CHRNA7: variants seen among roughly 807,000 people sequenced by gnomAD.
CHRNA7 encodes the protein cholinergic receptor nicotinic alpha 7 subunit.
A neutral mutation model predicts 48.0 loss-of-function variants in CHRNA7; 17 were observed. That is an observed-to-expected ratio of 0.35 (90% CI 0.24 to 0.53). The LOEUF is 0.53. Ranked by LOEUF, CHRNA7 falls within the 20% of genes least tolerant of loss-of-function variation. The probability of loss-of-function intolerance (pLI) is 0.92; values close to 1 mark genes in which losing one functional copy is unlikely to be tolerated. For synonymous variants in CHRNA7, 75 were observed against 242.3 expected, an observed-to-expected ratio of 0.31 and a Z score of 6.41; for missense variants, 155 against 577.7, an observed-to-expected ratio of 0.27 and a Z score of 7.50.
intron 4 of CHRNA7, among the ~76,000 whole-genome samples, chr15:32,118,181 C>T (rs1311713733): frequency 3.3e-5 from 5 of 152,144 alleles, no homozygotes; most frequent in East Asian, 1.9e-4. Context: ...CCTCCCCATG[C>T]GATGCCTGGT....
rs190905913 is a variant in CHRNA7 at position 32,105,705 on chromosome 15, G to A, written c.240+4358G>A. 6.3e-3 allele frequency among the ~76,000 whole-genome samples: 955 copies of A among 152,152 alleles called. 8 individuals carry two copies. Among genetic ancestry groups the A allele is most frequent in the Non-Finnish European group, 8.9e-3 (607 of 67,996 alleles). On this transcript the variant is annotated intron_variant, in intron 3 of 9. Transcript: ENST00000306901. ...AAGATCTGGGAGCACTGGCATTTCTGAGTATTTTGTCATTAATGTTTACTT... is the reference window on the plus strand; with the variant it reads ...AAGATCTGGGAGCACTGGCATTTCTAAGTATTTTGTCATTAATGTTTACTT...
intron 2 of CHRNA7, among the ~76,000 whole-genome samples, chr15:32,065,817 C>T (rs2049956050): frequency 2.6e-5 from 4 of 151,380 alleles, no homozygotes; most frequent in South Asian, 4.2e-4. Flanking sequence ...AGGTGTGTCA[C>T]AGCACACAGA....
At chr15:32,119,814 G>A (rs28549350) in intron 4 of CHRNA7, among the ~76,000 whole-genome samples, 17,171 of 152,090 alleles carry the variant, frequency 0.11, 1,015 homozygotes, top group Middle Eastern at 0.15. Context: ...AAGGGAGGAA[G>A]GGCAAGTGCG....
rs1034667760 is a variant in CHRNA7 at position 32,067,249 on chromosome 15, C to CA, written c.196-34051dup. ...ACATCATAATCAAACTGTTGAAAGA[C>CA]AAAGAGGGAATCTTGAAAGCAGCAG... On this transcript the variant is annotated intron_variant, in intron 2 of 9. Transcript: ENST00000306901. Among the ~76,000 whole-genome samples the CA allele has an allele frequency of 4.8e-4, 73 of 152,208 alleles. 1 individual carries two copies. The highest frequency in any genetic ancestry group is 1.7e-3 in the African/African-American group (69 of 41,522).
intron 2 of CHRNA7, among the ~76,000 whole-genome samples, chr15:32,066,149 A>G (rs1464806245): frequency 6.6e-6 from 1 of 152,286 alleles, no homozygotes; most frequent in African/African-American, 2.4e-5. Context: ...AACAAAGGAA[A>G]GACTTTAGTG....
intron 3 of CHRNA7, among the ~76,000 whole-genome samples, chr15:32,107,820 C>T (rs2050696030): frequency 6.6e-6 from 1 of 152,066 alleles, no homozygotes; most frequent in Non-Finnish European, 1.5e-5. Flanking sequence ...AAGCTCTTTA[C>T]TCCAGTCACT....
At chr15:32,066,862 A>G (rs2049975424) in intron 2 of CHRNA7, among the ~76,000 whole-genome samples, 2 of 152,140 alleles carry the variant, frequency 1.3e-5, no homozygotes, top group Admixed American at 6.5e-5. Flanking sequence ...AAAAAATTTG[A>G]TTCTGGAGTT....
chr15:32,152,021 GTTTA>G (rs2051640185), intron 4 of CHRNA7, among the ~76,000 whole-genome samples: 1 of 152,144 alleles, frequency 6.6e-6, no homozygotes, highest in Non-Finnish European at 1.5e-5. Flanking sequence ...TTTTGAGGTG[GTTTA>G]TTTTTCTTTA....
intron 4 of CHRNA7, among the ~76,000 whole-genome samples, chr15:32,124,023 C>T (rs576714411): frequency 1.8e-4 from 24 of 137,034 alleles, no homozygotes; most frequent in African/African-American, 5.8e-4. Flanking sequence ...CTAGCAGAAA[C>T]GAGTTAAAAC....
rs74011116 is a variant in CHRNA7 at position 32,115,765 on chromosome 15, C to T, written c.350+3866C>T. ...GGGGCACCTAGCAGGGCACTTGATA[C>T]ACATTTATGCAAAGACAAGATGGAG... On this transcript the variant is annotated intron_variant, in intron 4 of 9. Transcript: ENST00000306901. Among the ~76,000 whole-genome samples, 1,496 of 152,144 alleles carry T rather than the reference C, an allele frequency of 9.8e-3. 34 individuals carry two copies. The highest frequency in any genetic ancestry group is 0.034 in the African/African-American group (1,429 of 41,498).
At chr15:32,104,554 C>T (rs1290026128) in intron 3 of CHRNA7, among the ~76,000 whole-genome samples, 1 of 152,152 alleles carries the variant, frequency 6.6e-6, no homozygotes, top group South Asian at 2.1e-4. Context: ...TCTTCATCAC[C>T]CTTAGAATGT....
chr15:32,135,380 C>T (rs1412390093), intron 4 of CHRNA7, among the ~76,000 whole-genome samples: 1 of 152,154 alleles, frequency 6.6e-6, no homozygotes, highest in African/African-American at 2.4e-5. Context: ...GAAAGTCAAA[C>T]TAGTACAAAT....
At chr15:32,113,095 A>G (rs967886163) in intron 4 of CHRNA7, among the ~76,000 whole-genome samples, 1 of 152,110 alleles carries the variant, frequency 6.6e-6, no homozygotes, top group African/African-American at 2.4e-5. Flanking sequence ...CTGCTGTAAC[A>G]AAGTGCTACA....
At chr15:32,062,429 C>A (rs892502385) in intron 2 of CHRNA7, among the ~76,000 whole-genome samples, 1 of 152,048 alleles carries the variant, frequency 6.6e-6, no homozygotes, top group East Asian at 1.9e-4. Flanking sequence ...TATCTTTGGC[C>A]GGTTGTTGAA....
chr15:32,090,329 A>G lies in CHRNA7; in HGVS notation c.196-10974A>G, dbSNP rs534099907. The stretch of plus-strand genomic sequence containing the variant: ...CTCCCCTTCTCTTGCTGGAGCCACA[A>G]GGAGATCTTCCTTGCACATTTACTA... On this transcript the variant is annotated intron_variant, in intron 2 of 9. Transcript: ENST00000306901. Among the ~76,000 whole-genome samples, 7 of 152,266 alleles carry G rather than the reference A, an allele frequency of 4.6e-5. No homozygotes were observed. The South Asian group carries it at 6.2e-4, about 14-fold the overall frequency.
intron 4 of CHRNA7, among the ~76,000 whole-genome samples, chr15:32,148,495 C>T (rs2051540654): frequency 6.6e-6 from 1 of 152,176 alleles, no homozygotes; most frequent in Admixed American, 6.5e-5. Flanking sequence ...GATCAGAGGG[C>T]TCTTGTTCCA....
chr15:32,111,836 G>A lies in CHRNA7; in HGVS notation c.287G>A (p.Gly96Glu). The change falls in exon 4 of 10, where the codon GGG becomes GAG. Residue 96 changes from glycine (G) to glutamate (E), a missense_variant. Transcript: ENST00000306901. ...CAGTGGAATGTGTCAGAATATCCAG[G>A]GGTGAAGACTGTTCGTTTCCCAGAT... is the stretch of plus-strand genomic sequence containing the variant. ...YLQWNVSEYPGVKTVRFPDGQ... is the reference protein window; with the variant it reads ...YLQWNVSEYPEVKTVRFPDGQ... 1 of 1,613,942 alleles carries A rather than the reference G, an allele frequency of 6.2e-7. No individual in the cohort carries two copies. Among genetic ancestry groups the A allele is most frequent in the Non-Finnish European group, 8.5e-7 (1 of 1,179,810 alleles).
At chr15:32,071,923 C>A (rs771317495) in intron 2 of CHRNA7, among the ~76,000 whole-genome samples, 3 of 151,554 alleles carry the variant, frequency 2.0e-5, no homozygotes, top group Non-Finnish European at 2.9e-5. Flanking sequence ...TGGGGTGTTG[C>A]TATAAAAGAT....
At chr15:32,108,995 CG>C (rs1488556743) in intron 3 of CHRNA7, among the ~76,000 whole-genome samples, 1 of 152,016 alleles carries the variant, frequency 6.6e-6, no homozygotes, top group Non-Finnish European at 1.5e-5. Context: ...TCTGCCACTA[CG>C]GTTACCTGAA....
Sources: gnomAD v4.1 joint callset for allele counts (sites outside exome capture counted in the v4.1 genomes callset) on GRCh38, gnomAD v4.1.1 for gene constraint, MANE v1.5 for transcripts, NCBI Gene and HGNC (gene_info 2026-07-23, HGNC 2026-07-21) for gene names.